LRRTM4: variants seen among roughly 807,000 people sequenced by gnomAD.
LRRTM4 encodes the protein leucine-rich repeat transmembrane neuronal protein 4.
Under a neutral mutation model 47.6 loss-of-function variants are expected in LRRTM4, and 25 were observed. The observed-to-expected ratio is 0.53, with a 90% CI of 0.38 to 0.73. LRRTM4 has a LOEUF of 0.73. LRRTM4 is among the 30% of genes least tolerant of loss of function. The pLI is 0.00. For synonymous variants in LRRTM4, 311 were observed against 269.5 expected (o/e 1.15, Z -1.51); for missense variants, 638 against 713.4 (o/e 0.89, Z 1.20).
At chr2:76,923,780 G>T (rs1364180002) in intron 3 of LRRTM4, among the ~76,000 whole-genome samples, 1 of 152,028 alleles carries the variant, frequency 6.6e-6, no homozygotes, top group African/African-American at 2.4e-5. Context: ...AGGCAAATAG[G>T]AATATTTGTA....
chr2:77,140,659 A>G (rs1238537026), intron 3 of LRRTM4, among the ~76,000 whole-genome samples: 1 of 152,212 alleles, frequency 6.6e-6, no homozygotes, highest in Non-Finnish European at 1.5e-5. Context: ...TCTGCACAGC[A>G]AAAGAAACTA....
At chr2:77,145,916 G>C (rs1014166580) in intron 3 of LRRTM4, among the ~76,000 whole-genome samples, 1 of 151,468 alleles carries the variant, frequency 6.6e-6, no homozygotes, top group African/African-American at 2.4e-5. Context: ...TTATTCTTTC[G>C]AAAAAAAATT....
At chr2:77,033,409 G>T (rs1382015724) in intron 3 of LRRTM4, among the ~76,000 whole-genome samples, 2 of 147,516 alleles carry the variant, frequency 1.4e-5, no homozygotes, top group African/African-American at 5.0e-5. Flanking sequence ...TCATAAATAT[G>T]TAAGCAATAA....
At chr2:76,795,823 C>T (rs1053563858) in intron 3 of LRRTM4, among the ~76,000 whole-genome samples, 4 of 151,648 alleles carry the variant, frequency 2.6e-5, no homozygotes, top group Admixed American at 1.3e-4. Flanking sequence ...CCAAGATGGC[C>T]AAATAGGAAC....
intron 3 of LRRTM4, among the ~76,000 whole-genome samples, chr2:76,943,883 T>C (rs1675236127): frequency 6.6e-6 from 1 of 152,200 alleles, no homozygotes; most frequent in Admixed American, 6.5e-5. Context: ...CATATTCTCT[T>C]ACTCATCTTG....
At chr2:76,993,206 C>T (rs1452469010) in intron 3 of LRRTM4, among the ~76,000 whole-genome samples, 1 of 151,868 alleles carries the variant, frequency 6.6e-6, no homozygotes, top group Non-Finnish European at 1.5e-5. Context: ...AGGACATCAG[C>T]TTTTGCAAAT....
At position 76,996,895 on chromosome 2, in the gene LRRTM4, GGCTGGA is replaced by G. The variant is rs1486478354; in HGVS notation, c.1552-247985_1552-247980del. On this transcript the variant is annotated intron_variant, in intron 3 of 3. Coordinates refer to ENST00000409884, the MANE Select transcript of LRRTM4 (RefSeq NM_001134745.3). ...TAGAGGCTCACTCCTGCAGATGCTT[GGCTGGA>G]ACTTGTCAATGTTTCTATACATACA... Among the ~76,000 whole-genome samples, 3 of 152,070 alleles carry G rather than the reference GGCTGGA, an allele frequency of 2.0e-5. No homozygotes were observed. The East Asian group carries it at 5.8e-4, about 29-fold the overall frequency.
intron 3 of LRRTM4, among the ~76,000 whole-genome samples, chr2:77,180,670 T>C (rs963805180): frequency 6.6e-5 from 10 of 152,178 alleles, no homozygotes; most frequent in African/African-American, 9.7e-5. Flanking sequence ...GTTGATTATA[T>C]GCCTATTTCA....
chr2:77,227,165 T>C (rs1674838142), intron 3 of LRRTM4, among the ~76,000 whole-genome samples: 1 of 152,052 alleles, frequency 6.6e-6, no homozygotes, highest in African/African-American at 2.4e-5. Context: ...ACCTCAGTTT[T>C]ATAAGTGTTA....
At chr2:77,208,217 G>A (rs1674195967) in intron 3 of LRRTM4, among the ~76,000 whole-genome samples, 1 of 151,996 alleles carries the variant, frequency 6.6e-6, no homozygotes, top group Non-Finnish European at 1.5e-5. Flanking sequence ...ATATAGTGGG[G>A]AAGACAAACA....
At chr2:77,509,227 G>T (rs1284922975) in intron 3 of LRRTM4, among the ~76,000 whole-genome samples, 11 of 38,594 alleles carry the variant, frequency 2.9e-4, no homozygotes, top group East Asian at 6.1e-4. Flanking sequence ...GTGAGACTCT[G>T]TATCAAAAAA....
At chr2:77,336,013 ATT>A (rs1415395027) in intron 3 of LRRTM4, among the ~76,000 whole-genome samples, 1 of 152,004 alleles carries the variant, frequency 6.6e-6, no homozygotes, top group African/African-American at 2.4e-5. Flanking sequence ...AGTGGGCTGG[ATT>A]TCATCTGCAG....
At chr2:77,431,170 ATCT>A (rs1399485453) in intron 3 of LRRTM4, among the ~76,000 whole-genome samples, 2 of 148,686 alleles carry the variant, frequency 1.3e-5, no homozygotes, top group African/African-American at 5.2e-5. Context: ...CCCCTAATAA[ATCT>A]TCTCGTCTAT....
At position 77,151,253 on chromosome 2, in the gene LRRTM4, C is replaced by G. The variant is rs536137962; in HGVS notation, c.1551+367065G>C. On this transcript the variant is annotated intron_variant, in intron 3 of 3. Coordinates refer to ENST00000409884, the MANE Select transcript of LRRTM4 (RefSeq NM_001134745.3). ...TGTTAATGGTAAGTACTATGTTGTA[C>G]AGTAGACTCCTCGAATTTATTCATC... Among the ~76,000 whole-genome samples, 5 of 152,122 alleles carry G rather than the reference C, an allele frequency of 3.3e-5. No homozygotes were observed. In the East Asian group the frequency reaches 9.7e-4, roughly 29 times the overall value.
intron 3 of LRRTM4, among the ~76,000 whole-genome samples, chr2:76,946,196 T>A (rs1474396360): frequency 6.6e-6 from 1 of 151,980 alleles, no homozygotes; most frequent in East Asian, 1.9e-4. Flanking sequence ...ACAGTCCTAA[T>A]CATTCTAAAT....
At chr2:77,426,015 CTG>C (rs1182777368) in intron 3 of LRRTM4, among the ~76,000 whole-genome samples, 1 of 151,324 alleles carries the variant, frequency 6.6e-6, no homozygotes, top group Non-Finnish European at 1.5e-5. Flanking sequence ...ACTCAGGAGA[CTG>C]AGGCAGGAGA....
intron 3 of LRRTM4, among the ~76,000 whole-genome samples, chr2:77,192,414 C>T (rs947468555): frequency 9.2e-5 from 14 of 151,780 alleles, no homozygotes; most frequent in African/African-American, 3.4e-4. Context: ...ACATCGGGTA[C>T]TTCCTAATTT....
At chr2:77,465,798 T>C (rs1676960143) in intron 3 of LRRTM4, among the ~76,000 whole-genome samples, 1 of 152,200 alleles carries the variant, frequency 6.6e-6, no homozygotes, top group Non-Finnish European at 1.5e-5. Context: ...AGTTTCTGTT[T>C]GGATTTATTT....
At chr2:77,215,972 T>C (rs1216511065) in intron 3 of LRRTM4, among the ~76,000 whole-genome samples, 1 of 152,176 alleles carries the variant, frequency 6.6e-6, no homozygotes, top group Non-Finnish European at 1.5e-5. Context: ...TCCACATCAT[T>C]TGATACCTGT....
Sources: gnomAD v4.1 joint callset for allele counts (sites outside exome capture counted in the v4.1 genomes callset) on GRCh38, gnomAD v4.1.1 for gene constraint, MANE v1.5 for transcripts, NCBI Gene and HGNC (gene_info 2026-07-23, HGNC 2026-07-21) for gene names.